The following MTHFD1L variants were observed in gnomAD, a reference collection of about 807,000 sequenced individuals.
The protein encoded by MTHFD1L is methylenetetrahydrofolate dehydrogenase (NADP+ dependent) 1 like, also known as monofunctional C1-tetrahydrofolate synthase, mitochondrial.
A neutral mutation model predicts 119.5 loss-of-function variants in MTHFD1L; 81 were observed. The ratio of observed to expected loss-of-function variants is 0.68; its 90% CI spans 0.57 to 0.82. The LOEUF is 0.82. MTHFD1L is among the 40% of genes least tolerant of loss of function. MTHFD1L has a pLI of 0.00. For missense variants in MTHFD1L, 1,125 were observed against 1,253.4 expected, an observed-to-expected ratio of 0.90 and a Z score of 1.55; for synonymous variants, 430 against 475.2, an observed-to-expected ratio of 0.90 and a Z score of 1.24.
At chr6:150,931,289 T>C (rs1046428710) in intron 11 of MTHFD1L, among the ~76,000 whole-genome samples, 24 of 122,112 alleles carry the variant, frequency 2.0e-4, no homozygotes, top group Non-Finnish European at 3.4e-4. Context: ...TTTTTTTTTT[T>C]TTCTGCAGAG....
intron 27 of MTHFD1L, chr6:151,099,967 T>C: frequency 1.1e-6 from 1 of 891,918 alleles, no homozygotes; most frequent in South Asian, 1.4e-5. Flanking sequence ...TTTAAATAAA[T>C]GTAAAAACAG....
chr6:151,004,268 T>C (rs959086303), intron 20 of MTHFD1L, among the ~76,000 whole-genome samples: 21 of 152,044 alleles, frequency 1.4e-4, no homozygotes, highest in African/African-American at 4.8e-4. Flanking sequence ...GAGGTTGCAG[T>C]GAGCCAAGAT....
intron 9 of MTHFD1L, among the ~76,000 whole-genome samples, chr6:150,921,344 C>A (rs1162307512): frequency 3.3e-5 from 5 of 152,064 alleles, no homozygotes; most frequent in Non-Finnish European, 5.9e-5. Flanking sequence ...GTCTCGAACT[C>A]CCGACCTCAG....
chr6:150,915,564 C>T (rs1787712298), intron 8 of MTHFD1L, among the ~76,000 whole-genome samples: 1 of 152,108 alleles, frequency 6.6e-6, no homozygotes, highest in Non-Finnish European at 1.5e-5. Flanking sequence ...TAAGTTGATA[C>T]CAGCTCCTGG....
intron 18 of MTHFD1L, among the ~76,000 whole-genome samples, chr6:150,962,196 G>T (rs1308430349): frequency 1.3e-5 from 2 of 151,826 alleles, no homozygotes; most frequent in Non-Finnish European, 2.9e-5. Context: ...CACCATTTTG[G>T]CCAGGCTGGT....
rs78844775 is a variant in MTHFD1L, at chr6:150,945,785, G to A, written c.1623+244G>A. ...AACCTTTTTTGGTCTCAGTTTCTTC[G>A]TCTATGAAATGAGAGGACTGTTTTG... On this transcript the variant is annotated intron_variant, in intron 15 of 27. Transcript: ENST00000367321. Among the ~76,000 whole-genome samples, 717 of 152,234 alleles carry A rather than the reference G, an allele frequency of 4.7e-3. 3 individuals carry two copies. Among genetic ancestry groups the A allele is most frequent in the African/African-American group, 0.016 (673 of 41,542 alleles).
chr6:150,991,361 TA>T (rs1013852870), intron 20 of MTHFD1L, among the ~76,000 whole-genome samples: 1 of 152,132 alleles, frequency 6.6e-6, no homozygotes, highest in African/African-American at 2.4e-5. Context: ...AATATAAAGT[TA>T]AAAAAATCAG....
In MTHFD1L at chr6:150,865,873, GC is replaced by G. The variant is rs1306442615; in HGVS notation, c.56del (p.Pro19ArgfsTer68). The G allele has an allele frequency of 1.2e-5, 14 of 1,198,404 alleles. No individual in the cohort carries two copies. The highest frequency in any genetic ancestry group is 1.0e-4 in the South Asian group (3 of 30,110). 74.2% of individuals were successfully genotyped at this position (1,198,404 alleles called of 1,614,324 possible). ...TGCGCCAGCTCCGCCGCCCGCCCCAGCCCCCGGGCCCTCCGCGCCGCCTCCG... is the reference window on the plus strand; with the variant it reads ...TGCGCCAGCTCCGCCGCCCGCCCCAGCCCCGGGCCCTCCGCGCCGCCTCCG... ...VLRQLRRPPQ[P>X]PGPPRRLRVP... On this transcript the variant is annotated frameshift_variant, in exon 1 of 28. Transcript: ENST00000367321. LOFTEE classifies it high-confidence loss of function.
Position 151,037,082 on chromosome 6 carries a change from A to G in MTHFD1L, c.2812A>G (p.Ile938Val), listed in dbSNP as rs1471132929. 3.7e-6 allele frequency: 6 copies of G among 1,612,054 alleles called. No homozygotes were observed. The East Asian group carries it at 8.9e-5, about 24-fold the overall frequency. ...ACCTATCAGTGACGTCCGGGCCAGC[A>G]TAGGCGCTGGGTTCATTTACCCTTT... ...ILPISDVRAS[I>V]GAGFIYPLVG... The change falls in exon 26 of 28, where the codon ATA (isoleucine) becomes GTA (valine). Residue 938 changes from isoleucine to valine, a missense_variant. Ile to Val is a conservative substitution (Grantham distance 29). Transcript: ENST00000367321.
chr6:150,922,014 G>A (rs6937157), intron 9 of MTHFD1L, among the ~76,000 whole-genome samples, 191 bp from the exon 10 acceptor site: 13,522 of 152,108 alleles, frequency 0.089, 847 homozygotes, highest in African/African-American at 0.17. Context: ...TGGTTTTCAC[G>A]TTTTCCTTTT....
chr6:150,932,695 G>A (rs866624583), intron 11 of MTHFD1L, among the ~76,000 whole-genome samples: 14 of 152,154 alleles, frequency 9.2e-5, no homozygotes, highest in Middle Eastern at 3.4e-3. Flanking sequence ...TTGAACCTGG[G>A]AGGCAGAGAT....
chr6:151,002,295 A>G lies in MTHFD1L; in HGVS notation c.2126-7524A>G, dbSNP rs549310725. Among the ~76,000 whole-genome samples, 5 of 152,338 alleles carry G rather than the reference A, an allele frequency of 3.3e-5. No individual in the cohort carries two copies. In the South Asian group the frequency reaches 1.0e-3, roughly 32 times the overall value. ...GCTGTGTGACCTTGGGGAAAATTAT[A>G]AAATTTTCCAGTCCTTAGTATCATA... On this transcript the variant is annotated intron_variant, in intron 20 of 27. Coordinates refer to ENST00000367321, the MANE Select transcript of MTHFD1L (RefSeq NM_015440.5).
At position 151,033,997 on chromosome 6, in the gene MTHFD1L, G is replaced by A. The variant is rs534480664; in HGVS notation, c.2587-496G>A. Reference sequence around the variant, plus strand: ...TCAAGACCAACCTGGGCAACGTGGTGAAACCCAGTCTCTACAAAAAATGCA... The same window carrying A: ...TCAAGACCAACCTGGGCAACGTGGTAAAACCCAGTCTCTACAAAAAATGCA... On this transcript the variant is annotated intron_variant, in intron 24 of 27. Coordinates refer to ENST00000367321, the MANE Select transcript of MTHFD1L (RefSeq NM_015440.5). Among the ~76,000 whole-genome samples the A allele has an allele frequency of 2.4e-3, 369 of 152,010 alleles. 3 individuals carry two copies. The highest frequency in any genetic ancestry group is 7.7e-3 in the African/African-American group (320 of 41,468).
intron 7 of MTHFD1L, among the ~76,000 whole-genome samples, chr6:150,892,022 A>T (rs1032489843): frequency 2.0e-4 from 31 of 151,546 alleles, no homozygotes; most frequent in Non-Finnish European, 3.5e-4. Context: ...TGCTTGGGTT[A>T]AGACAGCTCA....
At chr6:150,963,553 T>G (rs1205929537) in intron 18 of MTHFD1L, among the ~76,000 whole-genome samples, 1 of 152,234 alleles carries the variant, frequency 6.6e-6, no homozygotes. Context: ...TTTAAATGAT[T>G]AAATATTATA....
chr6:151,084,319 A>T (rs1793510533), intron 26 of MTHFD1L, among the ~76,000 whole-genome samples: 1 of 152,152 alleles, frequency 6.6e-6, no homozygotes, highest in African/African-American at 2.4e-5. Flanking sequence ...GACCGTGGAG[A>T]GAAATGGCTG....
chr6:150,963,311 G>A (rs1796725018), intron 18 of MTHFD1L, among the ~76,000 whole-genome samples: 1 of 152,112 alleles, frequency 6.6e-6, no homozygotes, highest in Non-Finnish European at 1.5e-5. Flanking sequence ...GTAGATTCCA[G>A]TTACGTAGGA....
chr6:150,965,045 G>A lies in MTHFD1L; in HGVS notation c.2013+8G>A. On this transcript the variant is annotated splice_region_variant and intron_variant, in intron 19 of 27. Coordinates refer to ENST00000367321, the MANE Select transcript of MTHFD1L (RefSeq NM_015440.5). ...CTGATGCAGACCCTGGAAGTAAGTG[G>A]TTTTCTTCTTATAGTAATTGTTTGC... 1 of 1,612,940 alleles carries A rather than the reference G, an allele frequency of 6.2e-7. No individual in the cohort carries two copies. Among genetic ancestry groups the A allele is most frequent in the Non-Finnish European group, 8.5e-7 (1 of 1,179,024 alleles).
chr6:150,866,672 TC>T, intron 1 of MTHFD1L: 1 of 1,176,746 alleles, frequency 8.5e-7, no homozygotes, highest in South Asian at 4.3e-5. Flanking sequence ...CCGGGGGGAA[TC>T]CGAGAGGTCT....
Sources: gnomAD v4.1 joint callset for allele counts (sites outside exome capture counted in the v4.1 genomes callset) on GRCh38, gnomAD v4.1.1 for gene constraint, MANE v1.5 for transcripts, NCBI Gene and HGNC (gene_info 2026-07-23, HGNC 2026-07-21) for gene names.